USP32: variants seen among roughly 807,000 people sequenced by gnomAD.
USP32 encodes the protein ubiquitin carboxyl-terminal hydrolase 32.
In USP32, 59 loss-of-function variants were observed where a neutral mutation model predicts 204.8. That is an observed-to-expected ratio of 0.29 (90% CI 0.23 to 0.36). The LOEUF is 0.36. USP32 is among the 10% of genes least tolerant of loss of function. USP32 has a pLI of 1.00. For missense variants in USP32, 1,160 were observed against 1,946.4 expected, an observed-to-expected ratio of 0.60 and a Z score of 7.60; for synonymous variants, 517 against 678.4, an observed-to-expected ratio of 0.76 and a Z score of 3.70.
chr17:60,298,699 G>A (rs1163456891), intron 3 of USP32, among the ~76,000 whole-genome samples: 3 of 151,960 alleles, frequency 2.0e-5, no homozygotes, highest in African/African-American at 7.3e-5. Context: ...TATTTCTGCT[G>A]GTGAAGAAAT....
chr17:60,398,546 G>A (rs1236121374), intron 1 of USP32, among the ~76,000 whole-genome samples: 1 of 152,174 alleles, frequency 6.6e-6, no homozygotes, highest in Non-Finnish European at 1.5e-5. Flanking sequence ...AGCCCCTCAT[G>A]CCTATTTAAC....
At chr17:60,263,894 A>C (rs2086517365) in intron 9 of USP32, among the ~76,000 whole-genome samples, 1 of 152,198 alleles carries the variant, frequency 6.6e-6, no homozygotes. Flanking sequence ...TTCTTTATTT[A>C]TTCTAAACCT....
intron 4 of USP32, 111 bp from the exon 5 acceptor site, chr17:60,288,793 C>T: frequency 1.2e-6 from 1 of 863,130 alleles, no homozygotes; most frequent in Non-Finnish European, 1.8e-6. Flanking sequence ...CTGCTGTCTA[C>T]AAAGGAAGGA....
upstream of USP32, among the ~76,000 whole-genome samples, chr17:60,394,734 TTTTA>T (rs988781053): frequency 1.3e-4 from 20 of 151,982 alleles, no homozygotes; most frequent in Non-Finnish European, 1.3e-4. Context: ...GTAGGTAATT[TTTTA>T]TTTATTTATT....
At chr17:60,414,286 CTGGGAGGCAGAGGTTG>C (rs2090042660) in intron 1 of USP32, among the ~76,000 whole-genome samples, 1 of 151,852 alleles carries the variant, frequency 6.6e-6, no homozygotes, top group African/African-American at 2.4e-5. Context: ...TTGCTTGAAC[CTGGGAGGCAGAGGTTG>C]CAGTGAGCTG....
intron 27 of USP32, among the ~76,000 whole-genome samples, chr17:60,196,478 T>C (rs1294334952): frequency 6.6e-6 from 1 of 152,210 alleles, no homozygotes; most frequent in Non-Finnish European, 1.5e-5. Flanking sequence ...GCAGTTTTCC[T>C]TTAGGATTTA....
chr17:60,351,244 T>A (rs1421887428), intron 1 of USP32, among the ~76,000 whole-genome samples: 1 of 152,066 alleles, frequency 6.6e-6, no homozygotes, highest in East Asian at 1.9e-4. Context: ...ATCTACCACC[T>A]ACCCAAACCC....
At chr17:60,389,965 C>G (rs2089801979) in intron 1 of USP32, among the ~76,000 whole-genome samples, 1 of 151,872 alleles carries the variant, frequency 6.6e-6, no homozygotes, top group South Asian at 2.1e-4. Flanking sequence ...TGCAGTGAGC[C>G]GAGATCGCGC....
intron 1 of USP32, among the ~76,000 whole-genome samples, chr17:60,359,497 C>A (rs1281183006): frequency 6.6e-6 from 1 of 152,138 alleles, no homozygotes; most frequent in African/African-American, 2.4e-5. Context: ...ACTTCTGACA[C>A]ACAGTAAGAA....
intron 1 of USP32, among the ~76,000 whole-genome samples, chr17:60,388,597 A>G (rs1473517603): frequency 1.3e-5 from 2 of 152,196 alleles, no homozygotes; most frequent in Non-Finnish European, 1.5e-5. Context: ...GTATCCATGA[A>G]GTACAAGTGT....
intron 2 of USP32, among the ~76,000 whole-genome samples, chr17:60,330,518 C>CTCTCT (rs1363305391): frequency 1.8e-5 from 2 of 114,142 alleles, no homozygotes; most frequent in African/African-American, 1.2e-4. Flanking sequence ...CTCTCTCTCT[C>CTCTCT]CCCCCCTCCC....
intron 33 of USP32, among the ~76,000 whole-genome samples, chr17:60,180,329 C>A (rs1379907705): frequency 6.6e-6 from 1 of 152,208 alleles, no homozygotes; most frequent in East Asian, 1.9e-4. Flanking sequence ...GCCACTGCAC[C>A]CAGTCAACTA....
rs562842197 is a variant in USP32 at position 60,411,984 on chromosome 17, A to G, written c.106+10262T>C. Among the ~76,000 whole-genome samples the G allele has an allele frequency of 7.2e-5, 11 of 152,320 alleles. No homozygotes were observed. In the South Asian group the frequency reaches 2.1e-3, roughly 29 times the overall value. ...ATCTGTTTGAGTCCCTGCATTCAAT[A>G]TAATTTAATATTTAATAATGCTTCT... On this transcript the variant is annotated intron_variant, in intron 1 of 3. Coordinates refer to the USP32 transcript ENST00000588898.
At chr17:60,318,420 T>C (rs2088035062) in intron 2 of USP32, among the ~76,000 whole-genome samples, 1 of 152,248 alleles carries the variant, frequency 6.6e-6, no homozygotes, top group African/African-American at 2.4e-5. Context: ...TTAACCATTA[T>C]GCATATTAAC....
At chr17:60,359,136 T>G (rs1012604464) in intron 1 of USP32, among the ~76,000 whole-genome samples, 7 of 152,180 alleles carry the variant, frequency 4.6e-5, no homozygotes, top group Admixed American at 2.0e-4. Context: ...CCTCCTTTAT[T>G]TTTTGGAAGC....
At chr17:60,412,690 G>A (rs1280723781) in intron 1 of USP32, among the ~76,000 whole-genome samples, 3 of 152,030 alleles carry the variant, frequency 2.0e-5, no homozygotes, top group Admixed American at 1.3e-4. Flanking sequence ...GTACAAATAC[G>A]GTGCCCTGGA....
At chr17:60,246,453 C>T (rs2145686040) in intron 11 of USP32, among the ~76,000 whole-genome samples, 2 of 151,230 alleles carry the variant, frequency 1.3e-5, no homozygotes, top group South Asian at 4.2e-4. Context: ...CTGATGGACA[C>T]TTAAGTTGAT....
intron 1 of USP32, among the ~76,000 whole-genome samples, chr17:60,354,654 C>T (rs957819989): frequency 1.3e-5 from 2 of 152,168 alleles, no homozygotes; most frequent in African/African-American, 4.8e-5. Flanking sequence ...TGATAAAACC[C>T]AGATGGGACA....
intron 2 of USP32, among the ~76,000 whole-genome samples, chr17:60,321,092 G>T (rs1438534570): frequency 2.0e-5 from 3 of 152,128 alleles, no homozygotes; most frequent in African/African-American, 7.2e-5. Context: ...GAGATCCAGG[G>T]AAATAGAAAG....
Sources: allele counts gnomAD v4.1 joint callset (sites outside exome capture counted in the v4.1 genomes callset), GRCh38; gene constraint gnomAD v4.1.1; transcripts MANE v1.5; gene names NCBI Gene and HGNC (gene_info 2026-07-23, HGNC 2026-07-21).